The following PALM2AKAP2 variants were observed in gnomAD, a reference collection of about 807,000 sequenced individuals.
The protein encoded by PALM2AKAP2 is PALM2-AKAP2 fusion protein.
In PALM2AKAP2, 37 loss-of-function variants were observed where a neutral mutation model predicts 71.5. The ratio of observed to expected loss-of-function variants is 0.52; its 90% CI spans 0.40 to 0.68. The LOEUF (loss-of-function observed/expected upper bound fraction) is 0.68. Among genes scored for constraint, PALM2AKAP2 ranks in the 30% least tolerant of loss-of-function variants. The probability of loss-of-function intolerance (pLI) is 0.00; values close to 1 mark genes in which losing one functional copy is unlikely to be tolerated. For missense variants in PALM2AKAP2, 1,224 were observed against 1,191.8 expected (o/e 1.03, Z -0.40); for synonymous variants, 468 against 478.8 (o/e 0.98, Z 0.29).
At chr9:109,716,325 A>C (rs1263874093) in intron 1 of PALM2AKAP2, among the ~76,000 whole-genome samples, 1 of 152,176 alleles carries the variant, frequency 6.6e-6, no homozygotes, top group Non-Finnish European at 1.5e-5. Context: ...AATCCAGATA[A>C]ATAGATAGAT....
chr9:109,648,073 G>A (rs1827177844), intron 1 of PALM2AKAP2, among the ~76,000 whole-genome samples: 1 of 152,212 alleles, frequency 6.6e-6, no homozygotes. Context: ...ATGATAGTGA[G>A]TGAATTCTCA....
chr9:110,074,766 G>T (rs899706629), intron 1 of PALM2AKAP2, among the ~76,000 whole-genome samples: 8 of 152,158 alleles, frequency 5.3e-5, no homozygotes, highest in African/African-American at 1.7e-4. Flanking sequence ...ACATTGGGAG[G>T]CTGAGGCAGG....
intron 3 of PALM2AKAP2, among the ~76,000 whole-genome samples, chr9:109,886,281 G>A (rs1023847621): frequency 5.3e-5 from 8 of 152,136 alleles, no homozygotes; most frequent in African/African-American, 1.4e-4. Context: ...TGTGGACCTC[G>A]GGTTGATACT....
At chr9:109,900,691 G>A (rs1830307269) in intron 3 of PALM2AKAP2, among the ~76,000 whole-genome samples, 1 of 152,182 alleles carries the variant, frequency 6.6e-6, no homozygotes, top group Admixed American at 6.5e-5. Context: ...CAATAATAAT[G>A]GGAGGCAAGC....
At chr9:109,905,200 G>T (rs1830419349) in intron 3 of PALM2AKAP2, among the ~76,000 whole-genome samples, 1 of 152,196 alleles carries the variant, frequency 6.6e-6, no homozygotes, top group Non-Finnish European at 1.5e-5. Context: ...AGTTCCTAAA[G>T]TTTTTGTCTC....
At chr9:109,830,898 T>A (rs1456818068) in intron 1 of PALM2AKAP2, among the ~76,000 whole-genome samples, 1 of 152,130 alleles carries the variant, frequency 6.6e-6, no homozygotes, top group Non-Finnish European at 1.5e-5. Flanking sequence ...CTGTATTTTT[T>A]CCCTCTGCAG....
chr9:109,660,067 C>T (rs781744062), intron 1 of PALM2AKAP2, among the ~76,000 whole-genome samples: 4 of 152,066 alleles, frequency 2.6e-5, no homozygotes, highest in African/African-American at 7.3e-5. Flanking sequence ...CTCCTGGGCT[C>T]AAGGAGTCCT....
At chr9:109,911,334 G>A (rs1199429679) in intron 3 of PALM2AKAP2, among the ~76,000 whole-genome samples, 2 of 152,164 alleles carry the variant, frequency 1.3e-5, no homozygotes, top group Non-Finnish European at 2.9e-5. Flanking sequence ...GCTCAAGCCT[G>A]GAAATGATTT....
intron 3 of PALM2AKAP2, among the ~76,000 whole-genome samples, chr9:109,911,083 T>C (rs1830558148): frequency 6.6e-6 from 1 of 151,830 alleles, no homozygotes; most frequent in African/African-American, 2.4e-5. Flanking sequence ...GGTGCAGGGG[T>C]GGAGGCGCTG....
In PALM2AKAP2 at chr9:110,011,004, A is replaced by AC. The variant is rs1451603143; in HGVS notation, c.497-4950_497-4949insC. Among the ~76,000 whole-genome samples the AC allele has an allele frequency of 7.5e-4, 73 of 97,166 alleles. 3 individuals are homozygous for AC. Among genetic ancestry groups the AC allele is most frequent in the African/African-American group, 4.0e-3 (71 of 17,822 alleles). The allele number at this position is 97,166 out of a possible 152,430, so 63.7% of individuals were successfully genotyped here. A position where few individuals can be genotyped will look rare whatever the true frequency, so the allele number is the denominator to read the frequency against. On this transcript the variant is annotated intron_variant, in intron 6 of 9. Coordinates refer to the PALM2AKAP2 transcript ENST00000302798. ...AGAGCGAAACTCTGTCTCAAAAAAA[A>AC]AAAAAAAAAAATATATATATATATA... is the stretch of plus-strand genomic sequence containing the variant.
intron 1 of PALM2AKAP2, among the ~76,000 whole-genome samples, chr9:109,840,374 A>G (rs541362226): frequency 6.6e-6 from 1 of 152,376 alleles, no homozygotes; most frequent in African/African-American, 2.4e-5. Flanking sequence ...TTCAAGATGG[A>G]TTAAAGACGT....
chr9:109,744,114 C>G (rs1280262919), intron 1 of PALM2AKAP2, among the ~76,000 whole-genome samples: 1 of 152,118 alleles, frequency 6.6e-6, no homozygotes, highest in African/African-American at 2.4e-5. Context: ...CAACAAATAA[C>G]TGAACTAAAC....
chr9:109,734,291 G>A (rs1241886937), intron 1 of PALM2AKAP2, among the ~76,000 whole-genome samples: 1 of 151,828 alleles, frequency 6.6e-6, no homozygotes, highest in Non-Finnish European at 1.5e-5. Flanking sequence ...CTATCACTTA[G>A]GAACAAGAAA....
At chr9:109,749,141 G>A (rs1190454261) in intron 1 of PALM2AKAP2, among the ~76,000 whole-genome samples, 1 of 152,134 alleles carries the variant, frequency 6.6e-6, no homozygotes, top group Non-Finnish European at 1.5e-5. Flanking sequence ...AACATGAGGC[G>A]ATAGAAGCGG....
At chr9:109,802,298 G>A (rs189563890) in intron 1 of PALM2AKAP2, among the ~76,000 whole-genome samples, 1 of 152,264 alleles carries the variant, frequency 6.6e-6, no homozygotes, top group Non-Finnish European at 1.5e-5. Flanking sequence ...TAGTCACATA[G>A]GTTCCCCACT....
chr9:110,037,711 T>C (rs1833438839), intron 7 of PALM2AKAP2, among the ~76,000 whole-genome samples: 1 of 152,128 alleles, frequency 6.6e-6, no homozygotes, highest in Non-Finnish European at 1.5e-5. Context: ...ATGGGATGAT[T>C]TGGTTAGGGC....
intron 1 of PALM2AKAP2, among the ~76,000 whole-genome samples, chr9:109,783,783 T>C (rs12351920): frequency 0.095 from 14,494 of 152,216 alleles, 2,129 homozygotes; most frequent in African/African-American, 0.31. Flanking sequence ...GAAAAGTTGG[T>C]GTCCCCAGGT....
At chr9:109,688,173 G>A (rs531949730) in intron 1 of PALM2AKAP2, among the ~76,000 whole-genome samples, 68 of 152,294 alleles carry the variant, frequency 4.5e-4, no homozygotes, top group African/African-American at 1.5e-3. Context: ...ATAGAGACAC[G>A]AAGTGTGCAC....
chr9:110,024,983 T>C, intron 7 of PALM2AKAP2: 4 of 1,303,714 alleles, frequency 3.1e-6, no homozygotes, highest in Non-Finnish European at 2.2e-6. Flanking sequence ...GGCACTTCAG[T>C]TGAACCCAGG....
Sources: gnomAD v4.1 joint callset for allele counts (sites outside exome capture counted in the v4.1 genomes callset) on GRCh38, gnomAD v4.1.1 for gene constraint, MANE v1.5 for transcripts, NCBI Gene and HGNC (gene_info 2026-07-23, HGNC 2026-07-21) for gene names.